The following GRK5 variants were observed in gnomAD, a reference collection of about 807,000 sequenced individuals.
GRK5 encodes the protein G protein-coupled receptor kinase 5.
Under a neutral mutation model 78.4 loss-of-function variants are expected in GRK5, and 40 were observed. The ratio of observed to expected loss-of-function variants is 0.51; its 90% CI spans 0.40 to 0.66. GRK5 has a LOEUF of 0.66. Ranked by LOEUF, GRK5 falls within the 30% of genes least tolerant of loss-of-function variation. The pLI, the probability that GRK5 is intolerant of heterozygous loss-of-function variation, is 0.00. For synonymous variants in GRK5, 289 were observed against 296.8 expected, an observed-to-expected ratio of 0.97 and a Z score of 0.27; for missense variants, 598 against 759.9, an observed-to-expected ratio of 0.79 and a Z score of 2.50.
At chr10:119,438,851 T>C (rs1202813669) in intron 9 of GRK5, among the ~76,000 whole-genome samples, 1 of 152,238 alleles carries the variant, frequency 6.6e-6, no homozygotes, top group East Asian at 1.9e-4. Flanking sequence ...TATTTTATGA[T>C]AAATAAGGAT....
intron 1 of GRK5, among the ~76,000 whole-genome samples, chr10:119,316,406 A>G (rs1053882722): frequency 2.6e-5 from 4 of 152,224 alleles, no homozygotes; most frequent in Non-Finnish European, 5.9e-5. Flanking sequence ...GCTGCAACAC[A>G]GTTCTAACTA....
At chr10:119,365,229 A>T (rs1468881614) in intron 2 of GRK5, among the ~76,000 whole-genome samples, 2 of 152,244 alleles carry the variant, frequency 1.3e-5, no homozygotes, top group African/African-American at 4.8e-5. Flanking sequence ...AGAAAGCTTT[A>T]GTTTAAAATA....
intron 11 of GRK5, 80 bp downstream of exon 11, chr10:119,442,168 C>A: frequency 1.8e-6 from 2 of 1,107,574 alleles, no homozygotes; most frequent in Non-Finnish European, 2.7e-6. Flanking sequence ...AGAGCCTGCC[C>A]GCAGAGCCTC....
At chr10:119,404,918 G>A (rs1440767605) in intron 4 of GRK5, among the ~76,000 whole-genome samples, 3 of 152,248 alleles carry the variant, frequency 2.0e-5, no homozygotes, top group African/African-American at 4.8e-5. Flanking sequence ...CTGAGATTTG[G>A]GAAGAGAAGA....
At chr10:119,388,232 G>A (rs1284208299) in intron 3 of GRK5, among the ~76,000 whole-genome samples, 1 of 152,132 alleles carries the variant, frequency 6.6e-6, no homozygotes, top group East Asian at 1.9e-4. Context: ...AATCATGCTG[G>A]ATTACAGGCA....
intron 2 of GRK5, among the ~76,000 whole-genome samples, chr10:119,347,634 G>T (rs1851119607): frequency 6.6e-6 from 1 of 152,256 alleles, no homozygotes; most frequent in Non-Finnish European, 1.5e-5. Context: ...TGTGGAGAGT[G>T]TCCCAGGCTG....
chr10:119,449,658 A>G (rs903997166), intron 13 of GRK5, among the ~76,000 whole-genome samples: 5 of 152,176 alleles, frequency 3.3e-5, no homozygotes, highest in Non-Finnish European at 1.5e-5. Flanking sequence ...GCTTGGGGGC[A>G]CACACCTATA....
At chr10:119,372,100 C>T (rs1307265702) in intron 2 of GRK5, among the ~76,000 whole-genome samples, 1 of 152,222 alleles carries the variant, frequency 6.6e-6, no homozygotes, top group Non-Finnish European at 1.5e-5. Context: ...TGTGATAACA[C>T]AAAATGTCTA....
At chr10:119,426,343 A>C (rs559664328) in intron 6 of GRK5, among the ~76,000 whole-genome samples, 33 of 152,242 alleles carry the variant, frequency 2.2e-4, no homozygotes, top group African/African-American at 7.9e-4. Flanking sequence ...GCCGCTGTCC[A>C]CCCTGCACAG....
chr10:119,280,283 A>G (rs1849740990), intron 1 of GRK5, among the ~76,000 whole-genome samples: 1 of 152,266 alleles, frequency 6.6e-6, no homozygotes, highest in East Asian at 1.9e-4. Flanking sequence ...CCATGGTGAC[A>G]AAAAGTTAGT....
chr10:119,439,242 G>T (rs990280885), intron 9 of GRK5, among the ~76,000 whole-genome samples: 1 of 152,280 alleles, frequency 6.6e-6, no homozygotes, highest in African/African-American at 2.4e-5. Context: ...CCAGGCTGTA[G>T]CGTAGCTGGT....
chr10:119,415,119 AATGGCAGTG>A (rs936699876), intron 4 of GRK5, among the ~76,000 whole-genome samples: 5 of 151,970 alleles, frequency 3.3e-5, no homozygotes, highest in Admixed American at 6.6e-5. Context: ...AGAAAAAAGA[AATGGCAGTG>A]ATGGCAGTGA....
At position 119,217,820 on chromosome 10, in the gene GRK5, T is replaced by A. The variant is rs1224586261; in HGVS notation, c.52+9851T>A. 6.6e-6 allele frequency among the ~76,000 whole-genome samples: 1 copy of A among 152,202 alleles called. No individual in the cohort carries two copies. The highest frequency in any genetic ancestry group is 6.5e-5 in the Admixed American group (1 of 15,280). On this transcript the variant is annotated intron_variant, in intron 1 of 15. Coordinates refer to ENST00000392870, the MANE Select transcript of GRK5 (RefSeq NM_005308.3). This position sits in a 1 kb window ranked among gnomAD's most constrained non-coding sequence, Gnocchi z 4.1. Reference sequence around the variant, plus strand: ...TCCTTAGGAGGTTCTCGCCCTCAGTTACCTCTGCCTGACAGTGGTACCTTA... The same window carrying A: ...TCCTTAGGAGGTTCTCGCCCTCAGTAACCTCTGCCTGACAGTGGTACCTTA...
At chr10:119,437,760 A>G (rs939786212) in intron 9 of GRK5, among the ~76,000 whole-genome samples, 2 of 152,226 alleles carry the variant, frequency 1.3e-5, no homozygotes, top group African/African-American at 2.4e-5. Context: ...GATACATACA[A>G]GAGTTTTTGA....
rs999434222 is a variant in GRK5 at position 119,217,549 on chromosome 10, G to A, written c.52+9580G>A. 3.3e-5 allele frequency among the ~76,000 whole-genome samples: 5 copies of A among 152,234 alleles called. No individual in the cohort carries two copies. Among genetic ancestry groups the A allele is most frequent in the South Asian group, 2.1e-4 (1 of 4,836 alleles). On this transcript the variant is annotated intron_variant, in intron 1 of 15. Transcript: ENST00000392870. The surrounding 1 kb of genome is among the most constrained non-coding windows in gnomAD (Gnocchi z 4.1). ...CGGACAAGCGAGGCCAGCCTCTTGC[G>A]TTATTTTTCCCCTCAGCATGGCTAG...
rs967211899 is a variant in GRK5, at chr10:119,271,014, A to G, written c.53-55502A>G. 3.3e-5 allele frequency among the ~76,000 whole-genome samples: 5 copies of G among 152,256 alleles called. No homozygotes were observed. The highest frequency in any genetic ancestry group is 5.9e-5 in the Non-Finnish European group (4 of 68,052). ...ATAGGATGAAATGCATTTAAATGTC[A>G]TGAGTGTTATTATTAGTCGTAATCT... is the stretch of plus-strand genomic sequence containing the variant. On this transcript the variant is annotated intron_variant, in intron 1 of 15. Transcript: ENST00000392870. The surrounding 1 kb of genome is among the most constrained non-coding windows in gnomAD (Gnocchi z 4.1).
chr10:119,384,025 C>T (rs1343662248), intron 3 of GRK5, among the ~76,000 whole-genome samples: 2 of 152,178 alleles, frequency 1.3e-5, no homozygotes, highest in African/African-American at 4.8e-5. Flanking sequence ...ACCAGATCTT[C>T]CAGCATCAGC....
At chr10:119,256,641 C>T (rs1165398774) in intron 1 of GRK5, among the ~76,000 whole-genome samples, 1 of 151,994 alleles carries the variant, frequency 6.6e-6, no homozygotes, top group Non-Finnish European at 1.5e-5. Context: ...CACCCCTCAC[C>T]CGTCGCCTCT....
At chr10:119,297,253 T>C (rs148594488) in intron 1 of GRK5, among the ~76,000 whole-genome samples, 347 of 152,356 alleles carry the variant, frequency 2.3e-3, no homozygotes, top group African/African-American at 8.0e-3. Flanking sequence ...TGAAATGTGA[T>C]GAAGCTGTAG....
Sources: allele counts gnomAD v4.1 joint callset (sites outside exome capture counted in the v4.1 genomes callset), GRCh38; gene constraint gnomAD v4.1.1; non-coding constraint Gnocchi (gnomAD v3.1); transcripts MANE v1.5; gene names NCBI Gene and HGNC (gene_info 2026-07-23, HGNC 2026-07-21).